The following MDGA2 variants were observed in gnomAD, a reference collection of about 807,000 sequenced individuals.
MDGA2 encodes MAM domain-containing glycosylphosphatidylinositol anchor protein 2.
Under a neutral mutation model 117.8 loss-of-function variants are expected in MDGA2, and 40 were observed. That is an observed-to-expected ratio of 0.34 (90% CI 0.26 to 0.44). The LOEUF is 0.44. Among genes scored for constraint, MDGA2 ranks in the 20% least tolerant of loss-of-function variants. The probability of loss-of-function intolerance (pLI) is 1.00; values close to 1 mark genes in which losing one functional copy is unlikely to be tolerated. For synonymous variants in MDGA2, 452 were observed against 439.0 expected (o/e 1.03, Z -0.37); for missense variants, 1,123 against 1,250.6 (o/e 0.90, Z 1.54).
At chr14:47,158,363 G>GGT (rs34198544) in intron 3 of MDGA2, among the ~76,000 whole-genome samples, 3,631 of 146,760 alleles carry the variant, frequency 0.025, 54 homozygotes, top group Middle Eastern at 0.056. Flanking sequence ...CCCTGGGGTG[G>GGT]GTGTGTGTGT....
chr14:47,224,946 G>C (rs528894668), intron 2 of MDGA2, among the ~76,000 whole-genome samples: 1 of 152,220 alleles, frequency 6.6e-6, no homozygotes, highest in South Asian at 2.1e-4. Flanking sequence ...CAGAACTCTA[G>C]AGCATACAGG....
chr14:46,879,660 T>A (rs895478484), intron 11 of MDGA2, among the ~76,000 whole-genome samples: 1 of 152,144 alleles, frequency 6.6e-6, no homozygotes, highest in Non-Finnish European at 1.5e-5. Context: ...TAATGATCAA[T>A]TAACTTTAGC....
chr14:47,311,247 C>A (rs1276637807), intron 1 of MDGA2, among the ~76,000 whole-genome samples: 1 of 152,138 alleles, frequency 6.6e-6, no homozygotes, highest in Non-Finnish European at 1.5e-5. Flanking sequence ...TGTGCTCCAA[C>A]CTTAAGCATA....
intron 2 of MDGA2, among the ~76,000 whole-genome samples, chr14:47,242,165 A>C (rs1472243136): frequency 6.6e-6 from 1 of 151,882 alleles, no homozygotes; most frequent in Non-Finnish European, 1.5e-5. Flanking sequence ...CCTTCCCCAC[A>C]CACACACGCT....
chr14:47,460,167 T>A (rs1223111042), intron 1 of MDGA2, among the ~76,000 whole-genome samples: 1 of 152,194 alleles, frequency 6.6e-6, no homozygotes, highest in Non-Finnish European at 1.5e-5. Context: ...TTAATTCTCT[T>A]TTTAGATATG....
intron 1 of MDGA2, among the ~76,000 whole-genome samples, chr14:47,354,624 C>A (rs17118389): frequency 2.0e-5 from 3 of 152,144 alleles, no homozygotes; most frequent in African/African-American, 7.2e-5. Context: ...CACCTCTCTT[C>A]GGGGAGGCAC....
At chr14:46,935,029 AT>A (rs144159314) in intron 9 of MDGA2, among the ~76,000 whole-genome samples, 3,610 of 150,238 alleles carry the variant, frequency 0.024, 142 homozygotes, top group African/African-American at 0.081. Flanking sequence ...TAGTGTCAGA[AT>A]TTAAAAAAAA....
At chr14:47,510,571 A>T (rs536936358) in intron 1 of MDGA2, among the ~76,000 whole-genome samples, 92 of 152,318 alleles carry the variant, frequency 6.0e-4, no homozygotes, top group African/African-American at 2.2e-3. Flanking sequence ...TGAGGTAATC[A>T]GAACATCCTT....
intron 1 of MDGA2, among the ~76,000 whole-genome samples, chr14:47,395,101 G>C (rs1891979381): frequency 6.6e-6 from 1 of 152,164 alleles, no homozygotes; most frequent in Non-Finnish European, 1.5e-5. Context: ...GATGCAGTGA[G>C]CTATAATTGT....
Position 47,332,749 on chromosome 14 carries a change from C to T in MDGA2, c.281-31199G>A, listed in dbSNP as rs114060148. On this transcript the variant is annotated intron_variant, in intron 1 of 16. Coordinates refer to ENST00000399232, the MANE Select transcript of MDGA2 (RefSeq NM_001113498.3). The stretch of plus-strand genomic sequence containing the variant: ...GGTGAAGTCTGGGCTTTTAACGTAA[C>T]CATTACCAAAATCGTGCACATTGTA... Among the ~76,000 whole-genome samples, 609 of 151,906 alleles carry T rather than the reference C, an allele frequency of 4.0e-3. 7 individuals carry two copies. Among genetic ancestry groups the T allele is most frequent in the African/African-American group, 0.014 (583 of 41,516 alleles).
intron 14 of MDGA2, among the ~76,000 whole-genome samples, chr14:46,872,605 A>T (rs1882053449): frequency 1.3e-5 from 2 of 151,972 alleles, no homozygotes; most frequent in Admixed American, 1.3e-4. Context: ...CATATTATTA[A>T]AAACAGTAAT....
At chr14:47,157,537 T>A (rs1275938797) in intron 3 of MDGA2, among the ~76,000 whole-genome samples, 1 of 152,074 alleles carries the variant, frequency 6.6e-6, no homozygotes, top group Non-Finnish European at 1.5e-5. Context: ...TCATTTTCTA[T>A]CAAACTCCTG....
chr14:47,031,118 T>C (rs1021793803), intron 8 of MDGA2, among the ~76,000 whole-genome samples: 8 of 151,988 alleles, frequency 5.3e-5, no homozygotes, highest in Non-Finnish European at 1.0e-4. Flanking sequence ...TAAGTTATAT[T>C]GCTTCCTTTT....
At chr14:47,368,906 A>G (rs1891287031) in intron 1 of MDGA2, among the ~76,000 whole-genome samples, 1 of 152,178 alleles carries the variant, frequency 6.6e-6, no homozygotes, top group South Asian at 2.1e-4. Context: ...ACCATTTTTT[A>G]TGCCATACAT....
chr14:47,342,593 T>C (rs1323971626), intron 1 of MDGA2, among the ~76,000 whole-genome samples: 1 of 152,136 alleles, frequency 6.6e-6, no homozygotes, highest in Non-Finnish European at 1.5e-5. Flanking sequence ...TTTTCTGTGA[T>C]AGGAGTAGAA....
Position 47,448,020 on chromosome 14 carries a change from G to C in MDGA2, c.281-146470C>G, listed in dbSNP as rs1210646753. On this transcript the variant is annotated intron_variant, in intron 1 of 16. Transcript: ENST00000399232. ...TGACAAAGAGCTCCTGAATTCCTTG[G>C]AATTTTCTGGGTAATAGCAATCCCT... Among the ~76,000 whole-genome samples, 3 of 152,126 alleles carry C rather than the reference G, an allele frequency of 2.0e-5. No individual in the cohort carries two copies. In the East Asian group the frequency reaches 5.8e-4, roughly 29 times the overall value.
chr14:47,220,488 T>C lies in MDGA2; in HGVS notation c.421-2293A>G, dbSNP rs17118205. On this transcript the variant is annotated intron_variant, in intron 2 of 16. Transcript: ENST00000399232. The stretch of plus-strand genomic sequence containing the variant: ...AAATGTCCTTACAGGGAAGCAGCAC[T>C]TCATGTTTTGCACAGTTTTGGTAGC... Among the ~76,000 whole-genome samples the C allele has an allele frequency of 7.2e-3, 1,092 of 152,324 alleles. 15 individuals carry two copies. The highest frequency in any genetic ancestry group is 0.025 in the African/African-American group (1,044 of 41,560).
intron 5 of MDGA2, among the ~76,000 whole-genome samples, chr14:47,114,912 T>C (rs894133674): frequency 1.3e-5 from 2 of 149,146 alleles, no homozygotes; most frequent in Non-Finnish European, 3.0e-5. Flanking sequence ...AAAGCAACAA[T>C]TGACAAATGG....
intron 2 of MDGA2, among the ~76,000 whole-genome samples, chr14:47,276,716 A>G (rs2139721199): frequency 6.6e-6 from 1 of 152,254 alleles, no homozygotes; most frequent in Middle Eastern, 3.4e-3. Context: ...GTGCCCCAGA[A>G]ATGTGTTATT....
Sources: gnomAD v4.1 joint callset for allele counts (sites outside exome capture counted in the v4.1 genomes callset) on GRCh38, gnomAD v4.1.1 for gene constraint, MANE v1.5 for transcripts, NCBI Gene and HGNC (gene_info 2026-07-23, HGNC 2026-07-21) for gene names.